The following ADAMTS6 variants were observed in gnomAD, a reference collection of about 807,000 sequenced individuals.
ADAMTS6 encodes ADAM metallopeptidase with thrombospondin type 1 motif 6.
Under a neutral mutation model 144.3 loss-of-function variants are expected in ADAMTS6, and 23 were observed. The observed-to-expected ratio is 0.16, with a 90% CI of 0.11 to 0.23. The LOEUF (loss-of-function observed/expected upper bound fraction) is 0.23, where lower values mean the gene tolerates loss of function less well. Ranked by LOEUF, ADAMTS6 falls within the 10% of genes least tolerant of loss-of-function variation. ADAMTS6 has a pLI of 1.00. For synonymous variants in ADAMTS6, 444 were observed against 457.5 expected, an observed-to-expected ratio of 0.97 and a Z score of 0.38; for missense variants, 999 against 1,379.6, an observed-to-expected ratio of 0.72 and a Z score of 4.37.
Position 65,481,099 on chromosome 5 carries a change from A to ATT in ADAMTS6, c.-280+242_-280+243dup, listed in dbSNP as rs66598948. 2.9e-3 allele frequency among the ~76,000 whole-genome samples: 433 copies of ATT among 150,916 alleles called. 3 individuals are homozygous for ATT. The highest frequency in any genetic ancestry group is 0.014 in the East Asian group (74 of 5,144). ...TATTGTATATTCATAAAATAAACGT[A>ATT]TTTTTTTTGCATCATAAAATAACTG... On this transcript the variant is annotated intron_variant, in intron 1 of 24. Transcript: ENST00000381055.
chr5:65,291,753 C>T (rs1742324568), intron 10 of ADAMTS6, among the ~76,000 whole-genome samples: 2 of 152,110 alleles, frequency 1.3e-5, no homozygotes, highest in South Asian at 4.1e-4. Flanking sequence ...GGAATCAAAA[C>T]AGAATTTCAT....
chr5:65,402,968 C>CT (rs201153507), intron 7 of ADAMTS6, among the ~76,000 whole-genome samples: 59 of 151,060 alleles, frequency 3.9e-4, no homozygotes, highest in Admixed American at 2.8e-3. Context: ...CCTTTTCTTC[C>CT]TTTTTTTTTC....
intron 9 of ADAMTS6, among the ~76,000 whole-genome samples, chr5:65,318,173 A>C (rs142776112): frequency 0.047 from 7,130 of 152,236 alleles, 576 homozygotes; most frequent in African/African-American, 0.16. Flanking sequence ...TCGAAACTAC[A>C]ATGAGATATC....
rs180787324 is a variant in ADAMTS6 at position 65,371,119 on chromosome 5, T to G, written c.1074-37034A>C. Among the ~76,000 whole-genome samples the G allele has an allele frequency of 1.4e-4, 22 of 152,064 alleles. No homozygotes were observed. The East Asian group carries it at 3.7e-3, about 26-fold the overall frequency. ...GACATCCACACCAAAAACCAATCTG[T>G]ACAACACCATCATCAAAGACCAAAA... On this transcript the variant is annotated intron_variant, in intron 7 of 24. Coordinates refer to ENST00000381055, the MANE Select transcript of ADAMTS6 (RefSeq NM_197941.4).
chr5:65,324,391 CAA>C (rs1745963419), intron 9 of ADAMTS6, among the ~76,000 whole-genome samples: 1 of 151,864 alleles, frequency 6.6e-6, no homozygotes, highest in African/African-American at 2.4e-5. Context: ...TTTTAGGACA[CAA>C]AAAGCAAACC....
chr5:65,465,490 G>A (rs902745938), intron 3 of ADAMTS6, among the ~76,000 whole-genome samples: 4 of 151,888 alleles, frequency 2.6e-5, no homozygotes, highest in African/African-American at 4.8e-5. Context: ...AACCTCCTGC[G>A]ACCACACTTC....
At chr5:65,392,163 A>C (rs1752974810) in intron 7 of ADAMTS6, among the ~76,000 whole-genome samples, 1 of 152,214 alleles carries the variant, frequency 6.6e-6, no homozygotes, top group South Asian at 2.1e-4. Flanking sequence ...ATCTGGAGAA[A>C]TACCAGATCT....
chr5:65,359,497 C>T (rs1749628472), intron 7 of ADAMTS6, among the ~76,000 whole-genome samples: 1 of 152,002 alleles, frequency 6.6e-6, no homozygotes, highest in Non-Finnish European at 1.5e-5. Context: ...GTGTGGAGGA[C>T]CCTCCAAATT....
At chr5:65,277,662 T>C (rs1164932370) in intron 11 of ADAMTS6, among the ~76,000 whole-genome samples, 1 of 152,120 alleles carries the variant, frequency 6.6e-6, no homozygotes, top group African/African-American at 2.4e-5. Context: ...CAGTAGACTG[T>C]AAAATTCCCA....
intron 7 of ADAMTS6, among the ~76,000 whole-genome samples, chr5:65,439,475 T>C (rs915972412): frequency 2.0e-5 from 3 of 152,162 alleles, no homozygotes; most frequent in African/African-American, 7.2e-5. Context: ...ATAATCCTAA[T>C]TTAATCCTGA....
chr5:65,184,799 T>A (rs1754569369), intron 22 of ADAMTS6, among the ~76,000 whole-genome samples: 1 of 152,112 alleles, frequency 6.6e-6, no homozygotes, highest in Non-Finnish European at 1.5e-5. Context: ...CCAAGGTAAT[T>A]TAACTTTTTT....
chr5:65,351,194 C>A (rs566540885), intron 7 of ADAMTS6, among the ~76,000 whole-genome samples: 1 of 152,144 alleles, frequency 6.6e-6, no homozygotes, highest in Non-Finnish European at 1.5e-5. Flanking sequence ...CATCACATAT[C>A]TACAAGAGGT....
At chr5:65,283,455 A>T (rs1249143133) in intron 11 of ADAMTS6, among the ~76,000 whole-genome samples, 2 of 149,742 alleles carry the variant, frequency 1.3e-5, no homozygotes, top group African/African-American at 4.8e-5. Flanking sequence ...CTAAATGGTT[A>T]AAAAAAAGAA....
At chr5:65,335,166 A>C (rs1048134188) in intron 7 of ADAMTS6, among the ~76,000 whole-genome samples, 10 of 152,184 alleles carry the variant, frequency 6.6e-5, no homozygotes, top group Non-Finnish European at 1.0e-4. Flanking sequence ...TGTTGAACTC[A>C]TTAAAATTTC....
rs56095400 is a variant in ADAMTS6 at position 65,435,811 on chromosome 5, A to G, written c.1073+15664T>C. On this transcript the variant is annotated intron_variant, in intron 7 of 24. Transcript: ENST00000381055. ...ACACTAATTTTTGTATTTTTAGCAGAGATGGGATTTCACCATATTGGCCAG... is the reference window on the plus strand; with the variant it reads ...ACACTAATTTTTGTATTTTTAGCAGGGATGGGATTTCACCATATTGGCCAG... Among the ~76,000 whole-genome samples, 344 of 152,104 alleles carry G rather than the reference A, an allele frequency of 2.3e-3. 1 individual carries two copies. The highest frequency in any genetic ancestry group is 3.8e-3 in the Non-Finnish European group (260 of 67,980).
At chr5:65,448,874 T>C (rs986541846) in intron 7 of ADAMTS6, among the ~76,000 whole-genome samples, 1 of 152,204 alleles carries the variant, frequency 6.6e-6, no homozygotes, top group African/African-American at 2.4e-5. Context: ...ATAAGTGAGT[T>C]AGATCAACCA....
chr5:65,458,674 T>C (rs1469160298), intron 4 of ADAMTS6, among the ~76,000 whole-genome samples: 1 of 152,212 alleles, frequency 6.6e-6, no homozygotes, highest in Non-Finnish European at 1.5e-5. Context: ...CCTCCCAAAG[T>C]GCTGGGATTA....
intron 7 of ADAMTS6, among the ~76,000 whole-genome samples, chr5:65,347,657 T>C (rs917629521): frequency 3.9e-5 from 6 of 152,016 alleles, no homozygotes; most frequent in African/African-American, 1.2e-4. Context: ...CAAACGGGAT[T>C]ATATCAAATG....
intron 15 of ADAMTS6, among the ~76,000 whole-genome samples, chr5:65,239,769 A>T (rs1200445682): frequency 1.3e-5 from 2 of 152,206 alleles, no homozygotes; most frequent in Admixed American, 6.5e-5. Context: ...AAACGTGCTT[A>T]ACATTATCAT....
Sources: allele counts gnomAD v4.1 joint callset (sites outside exome capture counted in the v4.1 genomes callset), GRCh38; gene constraint gnomAD v4.1.1; transcripts MANE v1.5; gene names NCBI Gene and HGNC (gene_info 2026-07-23, HGNC 2026-07-21).